STK3: variants seen among roughly 807,000 people sequenced by gnomAD.
The protein encoded by STK3 is serine/threonine-protein kinase 3.
A neutral mutation model predicts 58.0 loss-of-function variants in STK3; 41 were observed. That is an observed-to-expected ratio of 0.71 (90% CI 0.55 to 0.92). The LOEUF (loss-of-function observed/expected upper bound fraction) is 0.92. Among genes scored for constraint, STK3 ranks in the 40% least tolerant of loss-of-function variants. The pLI, the probability that STK3 is intolerant of heterozygous loss-of-function variation, is 0.00. For synonymous variants in STK3, 170 were observed against 191.0 expected (o/e 0.89, Z 0.91); for missense variants, 479 against 602.7 (o/e 0.79, Z 2.15).
intron 6 of STK3, among the ~76,000 whole-genome samples, chr8:98,658,102 C>T (rs1821683133): frequency 6.6e-6 from 1 of 151,986 alleles, no homozygotes; most frequent in Non-Finnish European, 1.5e-5. Context: ...CAGTATATCT[C>T]AATAAAGCTG....
intron 7 of STK3, among the ~76,000 whole-genome samples, chr8:98,584,147 T>C (rs1448647254): frequency 6.6e-6 from 1 of 152,072 alleles, no homozygotes; most frequent in Non-Finnish European, 1.5e-5. Flanking sequence ...GTGCACATTG[T>C]GCAGGTTAGT....
At chr8:98,558,853 A>G (rs971069900) in intron 8 of STK3, among the ~76,000 whole-genome samples, 3 of 152,102 alleles carry the variant, frequency 2.0e-5, no homozygotes, top group South Asian at 2.1e-4. Flanking sequence ...TATCACCTAC[A>G]TAAACTTAGA....
chr8:98,937,273 TATGGTCACCAATCACA>T (rs1442665098), intron 1 of STK3, among the ~76,000 whole-genome samples: 1 of 152,190 alleles, frequency 6.6e-6, no homozygotes, highest in East Asian at 1.9e-4. Context: ...TTGAGTGAGC[TATGGTCACCAATCACA>T]ATGAAGCTAC....
At chr8:98,679,780 C>T (rs1823492802) in intron 6 of STK3, among the ~76,000 whole-genome samples, 1 of 152,198 alleles carries the variant, frequency 6.6e-6, no homozygotes, top group Non-Finnish European at 1.5e-5. Context: ...GATAGCAACA[C>T]ATTTATTCAT....
chr8:98,860,218 A>G (rs1836875476), intron 3 of STK3, among the ~76,000 whole-genome samples: 1 of 152,242 alleles, frequency 6.6e-6, no homozygotes, highest in Non-Finnish European at 1.5e-5. Flanking sequence ...TAGATGTGAT[A>G]ACATGAAATA....
chr8:98,592,727 G>GACTT (rs1182051733), intron 7 of STK3, among the ~76,000 whole-genome samples: 199 of 143,350 alleles, frequency 1.4e-3, no homozygotes, highest in Non-Finnish European at 9.9e-4. Flanking sequence ...ACTGCTCACT[G>GACTT]ACTTACTTTA....
At chr8:98,548,630 T>C (rs1372358127) in intron 8 of STK3, among the ~76,000 whole-genome samples, 1 of 152,120 alleles carries the variant, frequency 6.6e-6, no homozygotes, top group Non-Finnish European at 1.5e-5. Context: ...TTCACCATTT[T>C]AGCAATTTTT....
intron 4 of STK3, among the ~76,000 whole-genome samples, chr8:98,746,428 G>A (rs1242205542): frequency 3.3e-5 from 5 of 151,930 alleles, no homozygotes; most frequent in South Asian, 2.1e-4. Flanking sequence ...CCTAGGCAGC[G>A]AAGTGAGACC....
intron 1 of STK3, among the ~76,000 whole-genome samples, chr8:98,918,050 C>T (rs1261255808): frequency 6.6e-6 from 1 of 152,190 alleles, no homozygotes; most frequent in Non-Finnish European, 1.5e-5. Flanking sequence ...TTATCTCATT[C>T]AGTCTTTAAG....
chr8:98,869,398 G>A (rs2131870606), intron 3 of STK3, among the ~76,000 whole-genome samples: 1 of 152,270 alleles, frequency 6.6e-6, no homozygotes, highest in South Asian at 2.1e-4. Context: ...TCCATCCTGG[G>A]CAACAGAGTG....
upstream of STK3, among the ~76,000 whole-genome samples, chr8:98,826,044 G>A (rs907373981): frequency 5.9e-5 from 9 of 151,936 alleles, no homozygotes; most frequent in African/African-American, 2.2e-4. Context: ...CCCCGTGACC[G>A]GGAAAAGGAG....
chr8:98,794,895 C>A (rs1330835718), intron 1 of STK3, among the ~76,000 whole-genome samples: 1 of 151,072 alleles, frequency 6.6e-6, no homozygotes, highest in East Asian at 1.9e-4. Context: ...TGGAGAAACC[C>A]CGGCTCTACT....
chr8:98,652,390 A>G (rs1821027913), intron 6 of STK3, among the ~76,000 whole-genome samples: 1 of 152,242 alleles, frequency 6.6e-6, no homozygotes, highest in South Asian at 2.1e-4. Context: ...CCGAATTGTA[A>G]AGACCACCAA....
At chr8:98,597,583 T>C in intron 6 of STK3, 1 of 985,408 alleles carries the variant, frequency 1.0e-6, no homozygotes, top group Non-Finnish European at 1.2e-6. Context: ...ATAGTGCCAG[T>C]GGACCTACTT....
rs145040770 is a variant in STK3 at position 98,893,882 on chromosome 8, G to A, written c.-78-10048C>T. 2.1e-4 allele frequency among the ~76,000 whole-genome samples: 32 copies of A among 152,316 alleles called. No individual in the cohort carries two copies. In the East Asian group the frequency reaches 3.1e-3, roughly 15 times the overall value. ...AACTTATCTAGTCACAGATGGTTAT[G>A]AATAATTTTTTGCTTATCACAGCCT... On this transcript the variant is annotated intron_variant, in intron 1 of 1. Transcript: ENST00000519420.
At chr8:98,785,880 T>C (rs1392287081) in intron 1 of STK3, among the ~76,000 whole-genome samples, 1 of 151,764 alleles carries the variant, frequency 6.6e-6, no homozygotes, top group Non-Finnish European at 1.5e-5. Context: ...ATCCTACCAG[T>C]ACGAAAATAA....
At chr8:98,578,697 G>A (rs1365463994) in intron 8 of STK3, among the ~76,000 whole-genome samples, 3 of 152,072 alleles carry the variant, frequency 2.0e-5, no homozygotes, top group Admixed American at 6.5e-5. Flanking sequence ...ATACTGTTAC[G>A]AAATACATTT....
chr8:98,872,791 C>T (rs1403019169), intron 3 of STK3, among the ~76,000 whole-genome samples: 1 of 152,158 alleles, frequency 6.6e-6, no homozygotes, highest in African/African-American at 2.4e-5. Flanking sequence ...AAAAAACCAG[C>T]TCCTGGATTC....
In STK3 at chr8:98,579,665, G is replaced by A. The variant is rs759167472; in HGVS notation, c.947C>T (p.Ser316Leu). ...AACTTTTTGAAGATAATTACAAACC[G>A]AATTTTCTTCTTCCTCTTCCAATTC... ...QRELEEEEEN[S>L]DEDELDSHTM... The change falls in exon 8 of 11, where the codon TCG becomes TTG. Residue 316 changes from serine (S) to leucine (L), a missense_variant and splice_region_variant. Physicochemically the swap from Ser to Leu is moderately radical, Grantham distance 145 (BLOSUM62 -2). Around this residue, in one of 3 missense-constraint regions of STK3, gnomAD observed 309 missense variants for 355.7 expected, o/e 0.87. Transcript: ENST00000419617. 7.5e-6 allele frequency: 12 copies of A among 1,601,670 alleles called. No individual in the cohort carries two copies. Among genetic ancestry groups the A allele is most frequent in the African/African-American group, 4.0e-5 (3 of 74,212 alleles).
Sources: allele counts gnomAD v4.1 joint callset (sites outside exome capture counted in the v4.1 genomes callset), GRCh38; gene constraint gnomAD v4.1.1; regional missense constraint gnomAD v4.1.1; transcripts MANE v1.5; gene names NCBI Gene and HGNC (gene_info 2026-07-23, HGNC 2026-07-21).